The following ZAP70 variants were observed in gnomAD, a reference collection of about 807,000 sequenced individuals.
ZAP70 encodes the protein tyrosine-protein kinase ZAP-70.
A neutral mutation model predicts 65.8 loss-of-function variants in ZAP70; 27 were observed. That is an observed-to-expected ratio of 0.41 (90% confidence interval 0.30 to 0.57). ZAP70 has a LOEUF of 0.57. ZAP70 is among the 20% of genes least tolerant of loss of function. The pLI is 0.28. For synonymous variants in ZAP70, 363 were observed against 360.8 expected (o/e 1.01, Z -0.07); for missense variants, 696 against 870.5 (o/e 0.80, Z 2.52).
intron 2 of ZAP70, among the ~76,000 whole-genome samples, chr2:97,717,766 C>T (rs1342834431): frequency 6.6e-6 from 1 of 152,246 alleles, no homozygotes; most frequent in East Asian, 1.9e-4. Flanking sequence ...GACCCCTTGA[C>T]TCTTTTTTCC....
At chr2:97,734,485 C>T (rs772485269) in intron 8 of ZAP70, 35 bp from the exon 9 acceptor site, 8 of 1,599,062 alleles carry the variant, frequency 5.0e-6, no homozygotes, top group Non-Finnish European at 6.8e-6. Context: ...ACACCCCTGC[C>T]CCTGACCTGG....
Position 97,731,900 on chromosome 2 carries a change from G to A in ZAP70, c.564-983G>A, listed in dbSNP as rs1017529954. 2.0e-5 allele frequency among the ~76,000 whole-genome samples: 3 copies of A among 151,962 alleles called. No homozygotes were observed. Among genetic ancestry groups the A allele is most frequent in the Admixed American group, 2.0e-4 (3 of 15,264 alleles). On this transcript the variant is annotated intron_variant, in intron 4 of 13. Coordinates refer to ENST00000264972, the MANE Select transcript of ZAP70 (RefSeq NM_001079.4). This position sits in a 1 kb window ranked among gnomAD's most constrained non-coding sequence, Gnocchi z 4.0. The stretch of plus-strand genomic sequence containing the variant: ...TGCTTCCGGCCTCCACAGCTTCCAC[G>A]GGGCCAGCTGCCCTCCCTCCTCACT...
At chr2:97,732,733 T>C (rs1677659791) in intron 4 of ZAP70, 150 bp from the exon 5 acceptor site, 1 of 1,141,290 alleles carries the variant, frequency 8.8e-7, no homozygotes, top group South Asian at 1.5e-5. Context: ...CTGGAGGTGA[T>C]GGGGGCCTGG....
At chr2:97,723,541 A>T (rs1019563357) in intron 2 of ZAP70, among the ~76,000 whole-genome samples, 2 of 152,154 alleles carry the variant, frequency 1.3e-5, no homozygotes, top group African/African-American at 4.8e-5. Flanking sequence ...ATGTCACTCC[A>T]CTTATTTCCT....
chr2:97,755,255 T>A, the ZAP70 span, among the ~76,000 whole-genome samples: 1 of 152,094 alleles, frequency 6.6e-6, no homozygotes, highest in East Asian at 1.9e-4. Context: ...CTGAAAGTCT[T>A]AAAATTGGAA....
chr2:97,734,850 C>G, intron 9 of ZAP70, 138 bp downstream of exon 9: 1 of 1,201,088 alleles, frequency 8.3e-7, no homozygotes, highest in Non-Finnish European at 1.2e-6. Context: ...CAGGACGTTG[C>G]ACGCTGGAGG....
At chr2:97,748,993 G>A in the ZAP70 span, among the ~76,000 whole-genome samples, 18 of 149,426 alleles carry the variant, frequency 1.2e-4, no homozygotes, top group Non-Finnish European at 2.2e-4. Context: ...TACAGTGGAT[G>A]TGACACTTCC....
intron 2 of ZAP70, among the ~76,000 whole-genome samples, chr2:97,717,859 G>T (rs1677000219): frequency 6.6e-6 from 1 of 152,226 alleles, no homozygotes; most frequent in South Asian, 2.1e-4. Flanking sequence ...TGGGTGAATG[G>T]TGGGATTCCA....
intron 2 of ZAP70, among the ~76,000 whole-genome samples, chr2:97,721,080 C>A (rs1031705362): frequency 5.3e-5 from 8 of 152,148 alleles, no homozygotes; most frequent in African/African-American, 1.7e-4. Flanking sequence ...AACTCAGAAC[C>A]GCTATGGAGA....
downstream of ZAP70, among the ~76,000 whole-genome samples, chr2:97,741,591 G>C (rs932058614): frequency 6.6e-6 from 1 of 151,954 alleles, no homozygotes; most frequent in Admixed American, 6.5e-5. Context: ...GGCTCCCTGG[G>C]TATGGAGGAG....
chr2:97,717,507 G>T (rs930319746), intron 2 of ZAP70, among the ~76,000 whole-genome samples: 1 of 151,280 alleles, frequency 6.6e-6, no homozygotes, highest in Non-Finnish European at 1.5e-5. Context: ...GCCTCTGGCT[G>T]GGGGGACATG....
At chr2:97,739,334 G>C in intron 13 of ZAP70, 41 bp from the exon 14 acceptor site, 1 of 1,610,884 alleles carries the variant, frequency 6.2e-7, no homozygotes, top group Non-Finnish European at 8.5e-7. Flanking sequence ...CTGGGTCCTG[G>C]GGGCGTGGTC....
rs1677675134 is a variant in ZAP70 at position 97,732,961 on chromosome 2, C to A, written c.642C>A (p.Ser214Arg). 12 of 1,614,018 alleles carry A rather than the reference C, an allele frequency of 7.4e-6. No individual in the cohort carries two copies. The highest frequency in any genetic ancestry group is 1.0e-5 in the Non-Finnish European group (12 of 1,180,042). ...YGKTVYHYLI[S>R]QDKAGKYCIP... ...AGACGGTGTACCACTACCTCATCAGCCAAGACAAGGCGGGCAAGTACTGCA... is the reference window on the plus strand; with the variant it reads ...AGACGGTGTACCACTACCTCATCAGACAAGACAAGGCGGGCAAGTACTGCA... Residue 214 changes from serine (S) to arginine (R), a missense_variant, in exon 5 of 14, where the codon AGC becomes AGA. Ser to Arg is a moderately radical substitution (Grantham distance 110, BLOSUM62 -1). This residue lies in a region of ZAP70 where 551 missense variants were observed against 630.0 expected (regional missense o/e 0.87). Coordinates refer to ENST00000264972, the MANE Select transcript of ZAP70 (RefSeq NM_001079.4).
At chr2:97,738,640 C>T (rs1186925413) in intron 13 of ZAP70, 2 of 205,236 alleles carry the variant, frequency 9.7e-6, no homozygotes, top group Admixed American at 1.0e-4. Flanking sequence ...AGGCAACACA[C>T]CCCCAGACAA....
At chr2:97,738,151 A>C (rs975134810) in intron 13 of ZAP70, 44 bp downstream of exon 13, 1 of 1,536,602 alleles carries the variant, frequency 6.5e-7, no homozygotes, top group South Asian at 1.2e-5. Flanking sequence ...TGACCCCTGG[A>C]AAGTCCTGGT....
chr2:97,732,684 C>A, intron 4 of ZAP70, 199 bp from the exon 5 acceptor site: 1 of 716,220 alleles, frequency 1.4e-6, no homozygotes, highest in Non-Finnish European at 2.3e-6. Context: ...GCCATGGCCC[C>A]TCCACCGCCC....
intron 4 of ZAP70, among the ~76,000 whole-genome samples, chr2:97,727,583 CA>C (rs887285992): frequency 6.6e-6 from 1 of 152,244 alleles, no homozygotes; most frequent in Non-Finnish European, 1.5e-5. Context: ...CCTGAGAGTC[CA>C]GGGGCTCTCC....
chr2:97,733,784 T>C (rs941160784), intron 8 of ZAP70, 189 bp downstream of exon 8: 11 of 705,300 alleles, frequency 1.6e-5, no homozygotes, highest in Non-Finnish European at 2.7e-5. Context: ...TACGTCCCAG[T>C]GTGTACTGAC....
chr2:97,722,653 C>T (rs555664208), intron 2 of ZAP70, among the ~76,000 whole-genome samples: 6 of 152,262 alleles, frequency 3.9e-5, no homozygotes, highest in African/African-American at 1.4e-4. Context: ...AAAATGTAAA[C>T]AGTTTCCTAG....
Sources: gnomAD v4.1 joint callset for allele counts (sites outside exome capture counted in the v4.1 genomes callset) on GRCh38, gnomAD v4.1.1 for gene constraint, gnomAD v4.1.1 regional missense constraint, Gnocchi (gnomAD v3.1) non-coding constraint, MANE v1.5 for transcripts, NCBI Gene and HGNC (gene_info 2026-07-23, HGNC 2026-07-21) for gene names.